Variants in APC observed in about 807,000 individuals in gnomAD.
APC encodes adenomatous polyposis coli protein.
A neutral mutation model predicts 247.0 loss-of-function variants in APC; 72 were observed. The observed-to-expected ratio is 0.29, with a 90% confidence interval of 0.24 to 0.35. APC has a LOEUF of 0.35. Ranked by LOEUF, APC falls within the 10% of genes least tolerant of loss-of-function variation. The pLI, the probability that APC is intolerant of heterozygous loss-of-function variation, is 1.00. For synonymous variants in APC, 1,254 were observed against 1,162.5 expected (o/e 1.08, Z -1.60); for missense variants, 3,400 against 3,360.7 (o/e 1.01, Z -0.29).
At chr5:112,724,075 T>G (rs567448549) in intron 1 of APC, among the ~76,000 whole-genome samples, 2 of 152,324 alleles carry the variant, frequency 1.3e-5, no homozygotes, top group South Asian at 4.2e-4. Flanking sequence ...CACAAAATAT[T>G]TTTAGAGCTT....
chr5:112,842,926 C>G lies in APC; in HGVS notation c.7332C>G (p.Ile2444Met), dbSNP rs1766450249. The change falls in exon 16 of 16, where the codon ATC becomes ATG. Residue 2444 changes from isoleucine (I) to methionine (M), a missense_variant. Ile to Met is a conservative substitution (Grantham distance 10). Coordinates refer to ENST00000257430, the MANE Select transcript of APC (RefSeq NM_000038.6). ...RPVLVRQSTF[I>M]KEAPSPTLRR... ...TATTAGTACGCCAGTCAACTTTCAT[C>G]AAAGAAGCTCCAAGCCCAACCTTAA... The G allele has an allele frequency of 6.2e-7, 1 of 1,614,030 alleles. No individual in the cohort carries two copies. The highest frequency in any genetic ancestry group is 8.5e-7 in the Non-Finnish European group (1 of 1,179,918).
intron 2 of APC, among the ~76,000 whole-genome samples, chr5:112,764,642 A>G: frequency 6.6e-6 from 1 of 152,234 alleles, no homozygotes; most frequent in East Asian, 1.9e-4. Context: ...GTGAGTCTGA[A>G]GTTTGCAAGT....
intron 11 of APC, 131 bp from the exon 12 acceptor site, chr5:112,826,977 T>G (rs1763724997): frequency 1.2e-6 from 1 of 852,656 alleles, no homozygotes; most frequent in African/African-American, 1.7e-5. Flanking sequence ...AGCTTATAAT[T>G]CTAAAGGCAA....
At chr5:112,752,283 G>C (rs1233170408) in intron 1 of APC, among the ~76,000 whole-genome samples, 1 of 152,072 alleles carries the variant, frequency 6.6e-6, no homozygotes, top group African/African-American at 2.4e-5. Context: ...ATGTAAAAAA[G>C]AAGTGATCTC....
At chr5:112,751,486 T>C (rs547612779) in intron 1 of APC, among the ~76,000 whole-genome samples, 5 of 152,182 alleles carry the variant, frequency 3.3e-5, no homozygotes, top group East Asian at 1.9e-4. Flanking sequence ...GAAACGTCTT[T>C]CCATTTGTTG....
intron 7 of APC, among the ~76,000 whole-genome samples, chr5:112,794,585 A>G (rs1760000173): frequency 6.6e-6 from 1 of 152,150 alleles, no homozygotes; most frequent in Admixed American, 6.5e-5. Flanking sequence ...AGCCACCAGG[A>G]CTGCTGCCAA....
chr5:112,787,323 A>G (rs538630647), intron 6 of APC, among the ~76,000 whole-genome samples: 3 of 152,332 alleles, frequency 2.0e-5, no homozygotes, highest in East Asian at 3.9e-4. Context: ...TTGCCCTAGC[A>G]TATATATCTA....
At chr5:112,780,039 CT>C (rs1275228677) in intron 5 of APC, among the ~76,000 whole-genome samples, 1 of 152,072 alleles carries the variant, frequency 6.6e-6, no homozygotes, top group Non-Finnish European at 1.5e-5. Flanking sequence ...CTTTTATTGC[CT>C]TTTGGGCATG....
chr5:112,779,322 A>G (rs770875246), intron 5 of APC, among the ~76,000 whole-genome samples: 1 of 152,228 alleles, frequency 6.6e-6, no homozygotes. Flanking sequence ...CACTGTCTAC[A>G]TGAAGTCAGG....
Position 112,828,025 on chromosome 5 carries a change from C to A in APC, c.1626+19C>A, listed in dbSNP as rs376863032. On this transcript the variant is annotated intron_variant, in intron 13 of 15. Transcript: ENST00000257430. ...ACAGCAGGTACTATTTAGAATTTCA[C>A]CTGTTTTTCTTTTTTCTCTTTTTCT... 37 of 1,605,196 alleles carry A rather than the reference C, an allele frequency of 2.3e-5. No individual in the cohort carries two copies. Among genetic ancestry groups the A allele is most frequent in the Non-Finnish European group, 2.8e-5 (33 of 1,173,842 alleles).
intron 2 of APC, among the ~76,000 whole-genome samples, chr5:112,759,969 C>T (rs563724388): frequency 6.6e-6 from 1 of 152,084 alleles, no homozygotes; most frequent in Non-Finnish European, 1.5e-5. Context: ...CTAGAAAACA[C>T]TGGATAAAAT....
At chr5:112,772,717 A>T (rs557410207) in intron 4 of APC, among the ~76,000 whole-genome samples, 75 of 152,078 alleles carry the variant, frequency 4.9e-4, no homozygotes, top group African/African-American at 1.8e-3. Flanking sequence ...GGGTTTCACC[A>T]TGTTGGCCAG....
chr5:112,818,232 G>A (rs560994982), intron 9 of APC, among the ~76,000 whole-genome samples: 9 of 152,230 alleles, frequency 5.9e-5, no homozygotes, highest in East Asian at 5.8e-4. Context: ...ACCCTCTAGC[G>A]TTAAAATGAG....
At chr5:112,804,639 A>G (rs946681199) in intron 8 of APC, among the ~76,000 whole-genome samples, 35 of 152,222 alleles carry the variant, frequency 2.3e-4, no homozygotes, top group African/African-American at 7.7e-4. Flanking sequence ...CGGCCTCCCA[A>G]ATTGCTGGGA....
At chr5:112,712,972 A>G (rs1417893179) in intron 1 of APC, among the ~76,000 whole-genome samples, 1 of 152,044 alleles carries the variant, frequency 6.6e-6, no homozygotes, top group Non-Finnish European at 1.5e-5. Flanking sequence ...GGAGTTTGAG[A>G]CCAGCCTGGC....
intron 2 of APC, among the ~76,000 whole-genome samples, chr5:112,759,362 T>C (rs1375270196): frequency 6.9e-6 from 1 of 145,970 alleles, no homozygotes; most frequent in Non-Finnish European, 1.5e-5. Flanking sequence ...CTTTCTTTTT[T>C]TTTTTTTTTT....
intron 1 of APC, among the ~76,000 whole-genome samples, chr5:112,729,275 G>C (rs1224188172): frequency 6.6e-6 from 1 of 152,182 alleles, no homozygotes; most frequent in Non-Finnish European, 1.5e-5. Context: ...ACAATGATGA[G>C]AGAGACAGAA....
chr5:112,726,355 A>G (rs1751777472), intron 1 of APC, among the ~76,000 whole-genome samples: 1 of 151,962 alleles, frequency 6.6e-6, no homozygotes, highest in African/African-American at 2.4e-5. Flanking sequence ...TGGAAGGGGG[A>G]TGGAGTGGGA....
At chr5:112,744,119 G>A (rs189046939) in intron 1 of APC, among the ~76,000 whole-genome samples, 5 of 152,140 alleles carry the variant, frequency 3.3e-5, no homozygotes, top group African/African-American at 1.2e-4. Flanking sequence ...TGGGATTACA[G>A]GTGTGAGCCA....
Sources: allele counts gnomAD v4.1 joint callset (sites outside exome capture counted in the v4.1 genomes callset), GRCh38; gene constraint gnomAD v4.1.1; transcripts MANE v1.5; gene names NCBI Gene and HGNC (gene_info 2026-07-23, HGNC 2026-07-21).